The following CFAP47 variants were observed in gnomAD, a reference collection of about 807,000 sequenced individuals.
The protein encoded by CFAP47 is cilia- and flagella-associated protein 47.
Under a neutral mutation model 148.1 loss-of-function variants are expected in CFAP47, and 29 were observed. The ratio of observed to expected loss-of-function variants is 0.20; its 90% confidence interval spans 0.15 to 0.27. The LOEUF is 0.27. Ranked by LOEUF, CFAP47 falls within the 10% of genes least tolerant of loss-of-function variation. CFAP47 has a pLI of 1.00. For synonymous variants in CFAP47, 664 were observed against 577.3 expected (o/e 1.15, Z -2.15); for missense variants, 1,872 against 1,697.5 (o/e 1.10, Z -1.81).
intron 25 of CFAP47, among the ~76,000 whole-genome samples, chrX:36,041,782 C>T (rs1215620110): frequency 9.1e-6 from 1 of 109,349 alleles, no homozygotes; most frequent in Admixed American, 9.9e-5. Flanking sequence ...AATAATTAGC[C>T]GGGCATGGTG....
rs374146711 is a variant in CFAP47, at chrX:36,275,570, A to G, written c.7445-4917A>G. On this transcript the variant is annotated intron_variant, in intron 49 of 63. Transcript: ENST00000378653. Reference sequence around the variant, plus strand: ...TTTGATCATAGTGTATAATCCTTTTACTATGTTGCTGAATTCAGTATGCCA... The same window carrying G: ...TTTGATCATAGTGTATAATCCTTTTGCTATGTTGCTGAATTCAGTATGCCA... 1.0e-4 allele frequency among the ~76,000 whole-genome samples: 11 copies of G among 110,078 alleles called. No homozygotes were observed. The South Asian group carries it at 3.9e-3, about 39-fold the overall frequency.
chrX:35,979,805 A>T (rs1007922595), intron 15 of CFAP47, among the ~76,000 whole-genome samples: 2 of 111,841 alleles, frequency 1.8e-5, no homozygotes, highest in African/African-American at 6.5e-5. Context: ...AAATATAAGA[A>T]GGTAGATTTT....
intron 22 of CFAP47, among the ~76,000 whole-genome samples, chrX:36,018,599 T>A (rs1409992750): frequency 8.9e-6 from 1 of 112,256 alleles, no homozygotes; most frequent in Non-Finnish European, 1.9e-5. Flanking sequence ...ATGGAAATGA[T>A]CACATGGTTT....
chrX:36,298,617 A>G (rs898200887), intron 51 of CFAP47, among the ~76,000 whole-genome samples: 1 of 112,059 alleles, frequency 8.9e-6, no homozygotes, highest in South Asian at 3.7e-4. Flanking sequence ...CTTATGTGCA[A>G]TAAAGTTTGA....
intron 35 of CFAP47, among the ~76,000 whole-genome samples, chrX:36,140,048 TCAA>T (rs1338198334): frequency 4.5e-5 from 5 of 111,571 alleles, no homozygotes; most frequent in African/African-American, 1.6e-4. Flanking sequence ...TCCCATAAAT[TCAA>T]CAAATTATTT....
chrX:36,211,109 T>A, intron 45 of CFAP47: 1 of 230,342 alleles, frequency 4.3e-6, no homozygotes, highest in Admixed American at 4.7e-5. Context: ...GAAAAGTAAC[T>A]AAACATGGGC....
intron 49 of CFAP47, among the ~76,000 whole-genome samples, chrX:36,252,796 T>C (rs1405134611): frequency 8.9e-6 from 1 of 112,021 alleles, no homozygotes; most frequent in African/African-American, 3.2e-5. Context: ...AGCAAGTCAT[T>C]CAGAATTGGT....
chrX:35,924,071 GTA>G lies in CFAP47; in HGVS notation c.250-1940_250-1939del, dbSNP rs1031153272. Among the ~76,000 whole-genome samples the G allele has an allele frequency of 8.5e-4, 71 of 83,717 alleles. 1 individual carries two copies. In the Middle Eastern group the frequency reaches 0.019, roughly 23 times the overall value. 72.7% of individuals were successfully genotyped at this position (83,717 alleles called of 115,157 possible). A position where few individuals can be genotyped will look rare whatever the true frequency, so the allele number is the denominator to read the frequency against. On this transcript the variant is annotated intron_variant, in intron 1 of 63. Transcript: ENST00000378653. ...TATGTACATGTATGCGCACATATAT[GTA>G]TATATGTACATGTATGCGTACATAT...
intron 3 of CFAP47, among the ~76,000 whole-genome samples, chrX:35,948,111 C>A (rs116839282): frequency 0.018 from 2,054 of 111,759 alleles, 49 homozygotes; most frequent in African/African-American, 0.063. Flanking sequence ...CTTAAAATGT[C>A]TCAAAAAATC....
intron 52 of CFAP47, among the ~76,000 whole-genome samples, chrX:36,300,675 A>G (rs1556007659): frequency 8.9e-6 from 1 of 112,254 alleles, no homozygotes; most frequent in Admixed American, 9.4e-5. Context: ...CTCTAGAGCT[A>G]TATGTCACTT....
intron 3 of CFAP47, among the ~76,000 whole-genome samples, chrX:35,945,302 C>G (rs1936069132): frequency 9.0e-6 from 1 of 111,642 alleles, no homozygotes; most frequent in African/African-American, 3.3e-5. Flanking sequence ...CTGCCCTCTT[C>G]AGTTCTCTTT....
chrX:36,315,756 G>T (rs1341863390), intron 56 of CFAP47, among the ~76,000 whole-genome samples: 1 of 111,621 alleles, frequency 9.0e-6, no homozygotes, highest in Non-Finnish European at 1.9e-5. Flanking sequence ...CCTTTGAGAT[G>T]TGTGTTCTGC....
At chrX:36,255,315 G>A (rs1419707941) in intron 49 of CFAP47, among the ~76,000 whole-genome samples, 2 of 112,425 alleles carry the variant, frequency 1.8e-5, no homozygotes, top group African/African-American at 6.5e-5. Context: ...AAACTGTTAT[G>A]AGCAACACTT....
intron 49 of CFAP47, among the ~76,000 whole-genome samples, chrX:36,265,105 T>G (rs5973626): frequency 0.34 from 37,608 of 110,498 alleles, 7,048 homozygotes; most frequent in African/African-American, 0.72. Flanking sequence ...TAATTCTCAT[T>G]GTAGTCATTT....
At chrX:36,320,742 T>A (rs1556011880) in intron 57 of CFAP47, among the ~76,000 whole-genome samples, 3 of 112,481 alleles carry the variant, frequency 2.7e-5, no homozygotes, top group African/African-American at 9.7e-5. Flanking sequence ...TCCCTTTTTT[T>A]AAGTTTGTTT....
At chrX:36,105,501 G>A (rs1235620385) in intron 33 of CFAP47, among the ~76,000 whole-genome samples, 1 of 111,962 alleles carries the variant, frequency 8.9e-6, no homozygotes, top group Non-Finnish European at 1.9e-5. Flanking sequence ...GTTTAAAAAT[G>A]AGACTTTGAA....
At chrX:36,078,820 G>A (rs867534897) in intron 29 of CFAP47, among the ~76,000 whole-genome samples, 108 of 111,536 alleles carry the variant, frequency 9.7e-4, no homozygotes, top group African/African-American at 3.5e-3. Context: ...GGTACCGGTT[G>A]TTCCTTTCCA....
chrX:35,993,376 G>C (rs1445031053), intron 18 of CFAP47, 55 bp downstream of exon 18: 4 of 283,408 alleles, frequency 1.4e-5, no homozygotes, highest in Non-Finnish European at 2.5e-5. Flanking sequence ...TGGGTTTGTT[G>C]GTTGTTTAAC....
At chrX:36,175,147 T>C (rs1299252750) in intron 39 of CFAP47, among the ~76,000 whole-genome samples, 10 of 111,134 alleles carry the variant, frequency 9.0e-5, no homozygotes, top group African/African-American at 2.6e-4. Flanking sequence ...GGTTTTCAGC[T>C]CCATCAGCTC....
Sources: allele counts gnomAD v4.1 joint callset (sites outside exome capture counted in the v4.1 genomes callset), GRCh38; gene constraint gnomAD v4.1.1; transcripts MANE v1.5; gene names NCBI Gene and HGNC (gene_info 2026-07-23, HGNC 2026-07-21).